HSPH1: variants seen among roughly 807,000 people sequenced by gnomAD.
The protein encoded by HSPH1 is heat shock protein 105 kDa.
Under a neutral mutation model 100.0 loss-of-function variants are expected in HSPH1, and 40 were observed. The ratio of observed to expected loss-of-function variants is 0.40; its 90% CI spans 0.31 to 0.52. The LOEUF (loss-of-function observed/expected upper bound fraction) is 0.52, where lower values mean the gene tolerates loss of function less well. Among genes scored for constraint, HSPH1 ranks in the 20% least tolerant of loss-of-function variants. The pLI, the probability that HSPH1 is intolerant of heterozygous loss-of-function variation, is 0.54. For missense variants in HSPH1, 876 were observed against 1,015.1 expected (o/e 0.86, Z 1.86); for synonymous variants, 403 against 344.0 (o/e 1.17, Z -1.90).
chr13:31,154,146 CTT>C (rs1420763583), intron 4 of HSPH1: 1 of 179,772 alleles, frequency 5.6e-6, no homozygotes, highest in African/African-American at 2.4e-5. Context: ...TAAAAGATGA[CTT>C]TTGTCCATTT....
At chr13:31,158,355 T>C (rs1956772961) in intron 2 of HSPH1, among the ~76,000 whole-genome samples, 1 of 151,812 alleles carries the variant, frequency 6.6e-6, no homozygotes. Context: ...TCGAGATCAG[T>C]CTGACCAACA....
At chr13:31,152,764 G>A in intron 5 of HSPH1, 88 bp downstream of exon 5, 4 of 909,940 alleles carry the variant, frequency 4.4e-6, no homozygotes, top group Non-Finnish European at 7.2e-6. Context: ...AACAGGCTGT[G>A]TTTCTGTATC....
intron 6 of HSPH1, 50 bp from the exon 7 acceptor site, chr13:31,151,241 T>C (rs199752970): frequency 2.5e-4 from 364 of 1,431,768 alleles, no homozygotes; most frequent in Non-Finnish European, 3.2e-4. Context: ...ATCACATTTG[T>C]AACTAGAATC....
chr13:31,143,689 C>G lies in HSPH1; in HGVS notation c.1716+103G>C, dbSNP rs903889696. 1.2e-5 allele frequency: 12 copies of G among 1,035,638 alleles called. No homozygotes were observed. The African/African-American group carries it at 1.8e-4, about 16-fold the overall frequency. The allele number at this position is 1,035,638 out of a possible 1,614,324, so 64.2% of individuals were successfully genotyped here. On this transcript the variant is annotated intron_variant, in intron 12 of 17. Coordinates refer to ENST00000320027, the MANE Select transcript of HSPH1 (RefSeq NM_006644.4). ...CAACAGAAAAAAATCCTACACAGAACGAAATCAATTGGTGCTTGCTCTTGA... is the reference window on the plus strand; with the variant it reads ...CAACAGAAAAAAATCCTACACAGAAGGAAATCAATTGGTGCTTGCTCTTGA...
chr13:31,147,603 A>G (rs1956312079), intron 10 of HSPH1, among the ~76,000 whole-genome samples: 1 of 152,142 alleles, frequency 6.6e-6, no homozygotes, highest in Admixed American at 6.5e-5. Context: ...TGCAAATTAC[A>G]CTTAATCTAG....
Position 31,161,708 on chromosome 13 carries a change from C to G in HSPH1, c.-126G>C. On this transcript the variant is annotated 5_prime_UTR_variant, in exon 1 of 18. Transcript: ENST00000320027. ...TCCGGCCCGCGGGGTCTGGCCGTTC[C>G]TCTGACACTCAGAAGGACACACAGA... The G allele has an allele frequency of 6.5e-7, 1 of 1,537,376 alleles. No individual in the cohort carries two copies. The highest frequency in any genetic ancestry group is 8.7e-7 in the Non-Finnish European group (1 of 1,147,848).
intron 8 of HSPH1, among the ~76,000 whole-genome samples, chr13:31,149,235 A>G (rs1956387681): frequency 6.6e-6 from 1 of 152,128 alleles, no homozygotes; most frequent in African/African-American, 2.4e-5. Flanking sequence ...ATTAATATTT[A>G]GTATCTACAT....
In HSPH1 at chr13:31,137,066, A is replaced by G. The variant is rs1593704737; in HGVS notation, c.*252T>C. ...AGTCAGTTTCATCCTCAGTGATGCA[A>G]ATGGTGAGACTGCACAGAAAGCTTA... On this transcript the variant is annotated 3_prime_UTR_variant, in exon 18 of 18. Coordinates refer to ENST00000320027, the MANE Select transcript of HSPH1 (RefSeq NM_006644.4). 2 of 636,060 alleles carry G rather than the reference A, an allele frequency of 3.1e-6. No individual in the cohort carries two copies. Among genetic ancestry groups the G allele is most frequent in the Middle Eastern group, 2.7e-4 (1 of 3,766 alleles). The allele number at this position is 636,060 out of a possible 1,614,324, so 39.4% of individuals were successfully genotyped here.
At chr13:31,155,109 T>C (rs1211594795) in intron 3 of HSPH1, among the ~76,000 whole-genome samples, 1 of 152,200 alleles carries the variant, frequency 6.6e-6, no homozygotes, top group Non-Finnish European at 1.5e-5. Context: ...AATATTATTG[T>C]GTGTTGATCA....
At chr13:31,152,500 C>A in intron 5 of HSPH1, 1 of 218,332 alleles carries the variant, frequency 4.6e-6, no homozygotes, top group Non-Finnish European at 9.2e-6. Flanking sequence ...ATTTTTTAAA[C>A]TAAATCATTT....
chr13:31,155,402 GAAC>G, intron 3 of HSPH1, 109 bp downstream of exon 3: 1 of 772,522 alleles, frequency 1.3e-6, no homozygotes. Flanking sequence ...AATAAAAAAA[GAAC>G]AAAAAGACCA....
At chr13:31,157,263 C>G (rs1956732539) in intron 2 of HSPH1, among the ~76,000 whole-genome samples, 1 of 152,300 alleles carries the variant, frequency 6.6e-6, no homozygotes, top group South Asian at 2.1e-4. Context: ...TAGGTCTAGG[C>G]TATCAATATC....
At chr13:31,152,493 T>G (rs1956524361) in intron 5 of HSPH1, 1 of 219,938 alleles carries the variant, frequency 4.5e-6, no homozygotes, top group Admixed American at 5.4e-5. Flanking sequence ...AAAAAAAATT[T>G]TTTAAACTAA....
intron 12 of HSPH1, among the ~76,000 whole-genome samples, chr13:31,143,591 A>G (rs773960335): frequency 2.6e-5 from 4 of 152,176 alleles, no homozygotes; most frequent in Non-Finnish European, 5.9e-5. Flanking sequence ...AAAAGTTTAA[A>G]GCAGGACATT....
At chr13:31,162,349 G>A (rs1956954439), upstream of HSPH1, 1 of 563,184 alleles carries the variant, frequency 1.8e-6, no homozygotes, top group Admixed American at 3.0e-5. Context: ...CAGCTGTCCG[G>A]AGAGCATGTT....
intron 6 of HSPH1, 150 bp from the exon 7 acceptor site, chr13:31,151,341 T>C: frequency 3.9e-6 from 3 of 767,184 alleles, no homozygotes; most frequent in Non-Finnish European, 6.0e-6. Context: ...CAGGAATAAA[T>C]CTCTAAGATA....
Position 31,137,416 on chromosome 13 carries a change from C to A in HSPH1, c.2479G>T (p.Asp827Tyr), listed in dbSNP as rs1398345272. ...CCAAAATTGTTTTTGTCTTCTAAAT[C>A]TTCTTCCTTTTTATCAATATTTGGG... ...NGPNIDKKEE[D>Y]LEDKNNFGAE... Residue 827 changes from aspartate (D) to tyrosine (Y), a missense_variant, in exon 18 of 18, where the codon GAT (aspartate) becomes TAT (tyrosine). Asp to Tyr is a radical substitution (Grantham distance 160). Transcript: ENST00000320027. 1 of 1,613,302 alleles carries A rather than the reference C, an allele frequency of 6.2e-7. No homozygotes were observed. Among genetic ancestry groups the A allele is most frequent in the Non-Finnish European group, 8.5e-7 (1 of 1,179,572 alleles).
At chr13:31,158,218 A>C (rs1461230814) in intron 2 of HSPH1, among the ~76,000 whole-genome samples, 1 of 152,214 alleles carries the variant, frequency 6.6e-6, no homozygotes, top group Non-Finnish European at 1.5e-5. Flanking sequence ...TATAATTTCT[A>C]AAAATTAGAT....
upstream of HSPH1, chr13:31,161,952 A>C: frequency 1.3e-6 from 2 of 1,535,956 alleles, no homozygotes; most frequent in Non-Finnish European, 1.7e-6. Flanking sequence ...CACTGATCAG[A>C]ACTTTCCAGA....
Sources: allele counts gnomAD v4.1 joint callset (sites outside exome capture counted in the v4.1 genomes callset), GRCh38; gene constraint gnomAD v4.1.1; transcripts MANE v1.5; gene names NCBI Gene and HGNC (gene_info 2026-07-23, HGNC 2026-07-21).